APLF: variants seen among roughly 807,000 people sequenced by gnomAD.
The protein encoded by APLF is aprataxin and PNK-like factor.
APLF carries 61 observed loss-of-function variants against 55.6 expected under a neutral mutation model. The observed-to-expected ratio is 1.10, with a 90% CI of 0.89 to 1.36. The LOEUF is 1.36. Ranked by LOEUF, APLF falls within the 40% of genes most tolerant of loss-of-function variation. APLF has a pLI of 0.00. For synonymous variants in APLF, 207 were observed against 214.8 expected (o/e 0.96, Z 0.32); for missense variants, 611 against 602.5 (o/e 1.01, Z -0.15).
intron 8 of APLF, among the ~76,000 whole-genome samples, chr2:68,560,988 A>T (rs1671153278): frequency 6.6e-6 from 1 of 151,886 alleles, no homozygotes; most frequent in South Asian, 2.1e-4. Context: ...GATGTTAGAA[A>T]ATATTATATA....
At chr2:68,502,313 TAAAG>T (rs1367541580) in intron 2 of APLF, among the ~76,000 whole-genome samples, 1 of 152,130 alleles carries the variant, frequency 6.6e-6, no homozygotes, top group East Asian at 1.9e-4. Flanking sequence ...AAATAAATGG[TAAAG>T]AAACTAGCCA....
intron 1 of APLF, among the ~76,000 whole-genome samples, chr2:68,474,723 C>T (rs1018680767): frequency 1.3e-5 from 2 of 152,126 alleles, no homozygotes; most frequent in African/African-American, 4.8e-5. Flanking sequence ...GGCTGGAGTT[C>T]AATGGTGCGA....
chr2:68,513,834 G>A (rs1669489823), intron 5 of APLF, 154 bp downstream of exon 5: 1 of 865,764 alleles, frequency 1.2e-6, no homozygotes. Context: ...TTGTGAACAT[G>A]AAGTCTAAAA....
chr2:68,525,250 T>G (rs66536725), intron 5 of APLF, among the ~76,000 whole-genome samples: 3 of 151,784 alleles, frequency 2.0e-5, no homozygotes, highest in African/African-American at 7.3e-5. Context: ...GAGCAGAGAT[T>G]GTGCCACTGC....
intron 2 of APLF, among the ~76,000 whole-genome samples, chr2:68,500,379 G>A (rs1573181590): frequency 6.6e-6 from 1 of 151,906 alleles, no homozygotes; most frequent in African/African-American, 2.4e-5. Flanking sequence ...ATTTAACCAA[G>A]TATAATTTAA....
intron 3 of APLF, among the ~76,000 whole-genome samples, chr2:68,510,714 C>T (rs940445603): frequency 6.6e-6 from 1 of 151,782 alleles, no homozygotes; most frequent in South Asian, 2.1e-4. Context: ...CACATCAAAA[C>T]TTGTACATAG....
chr2:68,534,100 G>A (rs1199883905), intron 6 of APLF, among the ~76,000 whole-genome samples: 3 of 152,208 alleles, frequency 2.0e-5, no homozygotes, highest in Non-Finnish European at 4.4e-5. Flanking sequence ...AAAATTGTAG[G>A]ACTTCTTGCT....
In APLF at chr2:68,579,041, G is replaced by A. The variant is rs904399064; in HGVS notation, c.*1019G>A. ...GAATCTTTAATAACAGTTGGGTTGTGTACACAGAGCAGGAGATATTTATTG... is the reference window on the plus strand; with the variant it reads ...GAATCTTTAATAACAGTTGGGTTGTATACACAGAGCAGGAGATATTTATTG... On this transcript the variant is annotated 3_prime_UTR_variant, in exon 10 of 10. Coordinates refer to ENST00000303795, the MANE Select transcript of APLF (RefSeq NM_173545.3). 3.0e-6 allele frequency: 3 copies of A among 984,810 alleles called. No homozygotes were observed. Among genetic ancestry groups the A allele is most frequent in the Non-Finnish European group, 3.6e-6 (3 of 829,454 alleles). 61.0% of individuals were successfully genotyped at this position (984,810 alleles called of 1,614,324 possible).
intron 1 of APLF, among the ~76,000 whole-genome samples, chr2:68,471,124 G>C (rs147794108): frequency 1.3e-5 from 2 of 152,026 alleles, no homozygotes; most frequent in Non-Finnish European, 2.9e-5. Context: ...CCTTTAACAC[G>C]TGATTTCTTC....
intron 8 of APLF, among the ~76,000 whole-genome samples, chr2:68,555,989 A>G (rs1297300822): frequency 4.6e-5 from 7 of 152,176 alleles, no homozygotes; most frequent in African/African-American, 1.4e-4. Context: ...AAACAGTGCA[A>G]AGAAAGTATG....
At chr2:68,540,757 GGTGTATGTGCATGCGTGTGTGTGTGT>G (rs1044760893) in intron 7 of APLF, among the ~76,000 whole-genome samples, 1 of 151,094 alleles carries the variant, frequency 6.6e-6, no homozygotes, top group African/African-American at 2.4e-5. Flanking sequence ...ATCCCAATAG[GGTGTATGTGCATGCGTGTGTGTGTGT>G]GTGTATGTGT....
intron 1 of APLF, among the ~76,000 whole-genome samples, chr2:68,468,969 A>G (rs552599156): frequency 3.8e-4 from 57 of 149,402 alleles, no homozygotes; most frequent in Non-Finnish European, 7.7e-4. Flanking sequence ...AGATTGTATT[A>G]TGGAAGCTGG....
At chr2:68,478,133 G>A (rs1222412875) in intron 1 of APLF, among the ~76,000 whole-genome samples, 1 of 151,462 alleles carries the variant, frequency 6.6e-6, no homozygotes, top group Non-Finnish European at 1.5e-5. Context: ...GATACTGGAA[G>A]TTCTCCCAAA....
intron 2 of APLF, among the ~76,000 whole-genome samples, chr2:68,500,457 T>C (rs1676685275): frequency 6.6e-6 from 1 of 152,238 alleles, no homozygotes; most frequent in Non-Finnish European, 1.5e-5. Flanking sequence ...GGGTTTGTGA[T>C]GCTTTTGTAA....
chr2:68,515,571 C>CT, intron 5 of APLF: 3 of 984,152 alleles, frequency 3.0e-6, no homozygotes, highest in Non-Finnish European at 2.4e-6. Context: ...AATACGTTTT[C>CT]TTTCCCTTGG....
intron 6 of APLF, among the ~76,000 whole-genome samples, chr2:68,536,025 GGAAAAA>G (rs1670375245): frequency 6.6e-6 from 1 of 152,142 alleles, no homozygotes; most frequent in South Asian, 2.1e-4. Context: ...ACCTGAAAAA[GGAAAAA>G]GAAAACTGGG....
rs1358034325 is a variant in APLF at position 68,577,810 on chromosome 2, T to A, written c.1334-10T>A. ...ATTGATGTGTTGTGTACCAATCTTC[T>A]GTTTTGCAGTGAGAAATGTTTTAGA... On this transcript the variant is annotated splice_polypyrimidine_tract_variant and intron_variant, in intron 9 of 9. Coordinates refer to ENST00000303795, the MANE Select transcript of APLF (RefSeq NM_173545.3). 4 of 1,612,738 alleles carry A rather than the reference T, an allele frequency of 2.5e-6. No individual in the cohort carries two copies. In the East Asian group the frequency reaches 8.9e-5, roughly 36 times the overall value.
rs114334949 is a variant in APLF, at chr2:68,483,932, A to G, written c.97-6258A>G. 6.5e-3 allele frequency among the ~76,000 whole-genome samples: 995 copies of G among 152,254 alleles called. 10 individuals carry two copies. The highest frequency in any genetic ancestry group is 0.023 in the African/African-American group (947 of 41,542). ...CAAAAAATTAACTTGTGTTGTCTAT[A>G]TTATATGTAGACAAAAAATGAAATG... On this transcript the variant is annotated intron_variant, in intron 1 of 9. Coordinates refer to ENST00000303795, the MANE Select transcript of APLF (RefSeq NM_173545.3).
At chr2:68,489,004 A>G (rs1434138301) in intron 1 of APLF, among the ~76,000 whole-genome samples, 1 of 151,872 alleles carries the variant, frequency 6.6e-6, no homozygotes, top group African/African-American at 2.4e-5. Context: ...TGGGAAAAAG[A>G]AAGGAATCTT....
Sources: allele counts gnomAD v4.1 joint callset (sites outside exome capture counted in the v4.1 genomes callset), GRCh38; gene constraint gnomAD v4.1.1; transcripts MANE v1.5; gene names NCBI Gene and HGNC (gene_info 2026-07-23, HGNC 2026-07-21).